Variants in KCNK15 observed in about 807,000 individuals in gnomAD.
The protein encoded by KCNK15 is potassium two pore domain channel subfamily K member 15.
A neutral mutation model predicts 8.5 loss-of-function variants in KCNK15; 9 were observed. The ratio of observed to expected loss-of-function variants is 1.06; its 90% CI spans 0.64 to 1.85. The LOEUF is 1.85. KCNK15 is among the 40% of genes most tolerant of loss of function. KCNK15 has a pLI of 0.00. For missense variants in KCNK15, 467 were observed against 476.8 expected, an observed-to-expected ratio of 0.98 and a Z score of 0.19; for synonymous variants, 224 against 232.7, an observed-to-expected ratio of 0.96 and a Z score of 0.34.
At position 44,746,013 on chromosome 20, in the gene KCNK15, A is replaced by G. The variant is rs548589122; in HGVS notation, c.103A>G (p.Ser35Gly). ...VFDALESEAE[S>G]GRQRLLVQKR... ...CGACGCGCTCGAGTCCGAGGCGGAAAGCGGCCGCCAGCGACTGCTGGTCCA... is the reference window on the plus strand; with the variant it reads ...CGACGCGCTCGAGTCCGAGGCGGAAGGCGGCCGCCAGCGACTGCTGGTCCA... Residue 35 changes from serine to glycine, a missense_variant, in exon 1 of 2, where the codon AGC becomes GGC. Ser to Gly is a moderately conservative substitution (Grantham distance 56, BLOSUM62 0). Coordinates refer to ENST00000372861, the MANE Select transcript of KCNK15 (RefSeq NM_022358.4). The G allele has an allele frequency of 6.5e-7, 1 of 1,527,942 alleles. No individual in the cohort carries two copies. Among genetic ancestry groups the G allele is most frequent in the Non-Finnish European group, 8.8e-7 (1 of 1,137,676 alleles). The allele number at this position is 1,527,942 out of a possible 1,614,324, so 94.6% of individuals were successfully genotyped here. A position where few individuals can be genotyped will look rare whatever the true frequency, so the allele number is the denominator to read the frequency against.
chr20:44,749,419 CAAAAG>C (rs2066019630), intron 1 of KCNK15, among the ~76,000 whole-genome samples: 1 of 152,140 alleles, frequency 6.6e-6, no homozygotes, highest in Non-Finnish European at 1.5e-5. Context: ...CAATCAGAAC[CAAAAG>C]GTGTTCAGTG....
Position 44,751,716 on chromosome 20 carries a change from G to A in KCNK15, c.*878G>A, listed in dbSNP as rs34206181. 0.044 allele frequency: 6,635 copies of A among 152,268 alleles called. 188 individuals are homozygous for A. The highest frequency in any genetic ancestry group is 0.055 in the Non-Finnish European group (3,769 of 68,030). 9.4% of individuals were successfully genotyped at this position (152,268 alleles called of 1,614,324 possible). On this transcript the variant is annotated 3_prime_UTR_variant, in exon 2 of 2. Coordinates refer to ENST00000372861, the MANE Select transcript of KCNK15 (RefSeq NM_022358.4). ...CCATAAGGGGGCAGAGACAAAGCCCGAGGTGTGGCATCCTGGCACCCCGTG... is the reference window on the plus strand; with the variant it reads ...CCATAAGGGGGCAGAGACAAAGCCCAAGGTGTGGCATCCTGGCACCCCGTG...
chr20:44,749,010 G>A (rs916166405), intron 1 of KCNK15, among the ~76,000 whole-genome samples: 5 of 152,266 alleles, frequency 3.3e-5, no homozygotes, highest in African/African-American at 1.2e-4. Flanking sequence ...AGGCCCCTTT[G>A]GATGGACACT....
In KCNK15 at chr20:44,750,283, C is replaced by T; in HGVS notation, c.438C>T (p.Cys146=). Residue 146 remains cysteine (C), a synonymous_variant, in exon 2 of 2, where the codon TGC becomes TGT. Coordinates refer to ENST00000372861, the MANE Select transcript of KCNK15 (RefSeq NM_022358.4). The part of the protein sequence containing the change: ...VRRLLLAAKC[C]LGLRWTCVST... The stretch of plus-strand genomic sequence containing the variant: ...GCCTCCTGTTGGCGGCCAAGTGCTG[C>T]CTGGGCCTGCGGTGGACGTGCGTGT... 2 of 1,605,600 alleles carry T rather than the reference C, an allele frequency of 1.2e-6. No homozygotes were observed. The highest frequency in any genetic ancestry group is 2.2e-5 in the South Asian group (2 of 90,288).
At chr20:44,747,294 T>C (rs2066011565) in intron 1 of KCNK15, 1 of 152,188 alleles carries the variant, frequency 6.6e-6, no homozygotes, top group South Asian at 2.1e-4. Flanking sequence ...AAAGGCAAAA[T>C]GCAATTGTTC....
rs372438657 is a variant in KCNK15 at position 44,750,690 on chromosome 20, G to A, written c.845G>A (p.Arg282His). The change falls in exon 2 of 2, where the codon CGC becomes CAC. Residue 282 changes from arginine to histidine, a missense_variant. Coordinates refer to ENST00000372861, the MANE Select transcript of KCNK15 (RefSeq NM_022358.4). ...RGLWLPRRPA[R>H]SVGSASVFCH... is the part of the protein sequence containing the mutation. Reference sequence around the variant, plus strand: ...CTCTGGCTGCCCCGCCGCCCGGCCCGCTCCGTGGGCTCCGCCTCTGTCTTC... The same window carrying A: ...CTCTGGCTGCCCCGCCGCCCGGCCCACTCCGTGGGCTCCGCCTCTGTCTTC... The A allele has an allele frequency of 2.0e-6, 3 of 1,492,238 alleles. No individual in the cohort carries two copies. The highest frequency in any genetic ancestry group is 1.8e-6 in the Non-Finnish European group (2 of 1,128,130). 92.4% of individuals were successfully genotyped at this position (1,492,238 alleles called of 1,614,324 possible).
chr20:44,746,342 C>T (rs2066007862), intron 1 of KCNK15, 149 bp downstream of exon 1: 1 of 629,930 alleles, frequency 1.6e-6, no homozygotes, highest in Admixed American at 4.3e-5. Context: ...TCTCCTTCGC[C>T]TCCCTCGTCT....
chr20:44,748,362 G>T (rs1345804582), intron 1 of KCNK15, among the ~76,000 whole-genome samples: 1 of 152,140 alleles, frequency 6.6e-6, no homozygotes, highest in East Asian at 1.9e-4. Context: ...AAAAGTAACA[G>T]AGAGGCAAAG....
intron 1 of KCNK15, chr20:44,747,254 G>A (rs1055174645): frequency 6.6e-6 from 1 of 152,294 alleles, no homozygotes; most frequent in Non-Finnish European, 1.5e-5. Context: ...TCTGGCAATT[G>A]ATTCCACCTG....
At chr20:44,749,229 C>G (rs4810439) in intron 1 of KCNK15, among the ~76,000 whole-genome samples, 87,490 of 151,998 alleles carry the variant, frequency 0.58, 26,077 homozygotes, top group African/African-American at 0.75. Flanking sequence ...CTCTTCCTGG[C>G]GTACAGGCTC....
Position 44,750,627 on chromosome 20 carries a change from C to CCA in KCNK15, c.783_784dup (p.Ser262ThrfsTer104). On this transcript the variant is annotated frameshift_variant, in exon 2 of 2. Transcript: ENST00000372861. LOFTEE classifies it low-confidence loss of function (END_TRUNC). ...TGGCCCGAGCGCGCTGCCCGCACCC[C>CCA]CAGCCCGCGCCCCCCGGGGGCGCCC... 1 of 1,586,962 alleles carries CCA rather than the reference C, an allele frequency of 6.3e-7. No individual in the cohort carries two copies. The highest frequency in any genetic ancestry group is 1.1e-5 in the South Asian group (1 of 89,826).
In KCNK15 at chr20:44,750,813, T is replaced by G. The variant is rs13042905; in HGVS notation, c.968T>G (p.Leu323Arg). ...GTGCGTGGCGGGCAGGCTCCCAGGC[T>G]TGGGGCCCGGTGGAAGTCCATCTGA... ...GVVRGGQAPRLGARWKSI is the reference protein window; with the variant it reads ...GVVRGGQAPRRGARWKSI The change falls in exon 2 of 2, where the codon CTT (leucine) becomes CGT (arginine). Residue 323 changes from leucine (L) to arginine (R), a missense_variant. Physicochemically the swap from Leu to Arg is moderately radical, Grantham distance 102 (BLOSUM62 -2). Coordinates refer to ENST00000372861, the MANE Select transcript of KCNK15 (RefSeq NM_022358.4). 2 of 1,477,504 alleles carry G rather than the reference T, an allele frequency of 1.4e-6. No individual in the cohort carries two copies. The highest frequency in any genetic ancestry group is 1.8e-6 in the Non-Finnish European group (2 of 1,118,154). The allele number at this position is 1,477,504 out of a possible 1,614,324, so 91.5% of individuals were successfully genotyped here.
rs2066006701 is a variant in KCNK15, at chr20:44,746,180, C to T, written c.270C>T (p.Val90=). The T allele has an allele frequency of 7.2e-7, 1 of 1,395,678 alleles. No homozygotes were observed. The highest frequency in any genetic ancestry group is 1.5e-5 in the African/African-American group (1 of 65,692). 86.5% of individuals were successfully genotyped at this position (1,395,678 alleles called of 1,614,324 possible). The change falls in exon 1 of 2, where the codon GTC becomes GTT. Residue 90 remains valine, a synonymous_variant. Transcript: ENST00000372861. ...FPGSFYFAIT[V]ITTIEYGHAA... ...GCTCCTTCTACTTCGCCATCACCGT[C>T]ATCACTACCATCGGTGAGCCGCCCG... is the stretch of plus-strand genomic sequence containing the variant.
intron 1 of KCNK15, among the ~76,000 whole-genome samples, chr20:44,748,036 G>A (rs1315422230): frequency 1.3e-5 from 2 of 152,200 alleles, no homozygotes; most frequent in Non-Finnish European, 2.9e-5. Flanking sequence ...TATAGTCATT[G>A]GGAGGGTTAA....
At chr20:44,749,039 C>T (rs533355097) in intron 1 of KCNK15, among the ~76,000 whole-genome samples, 2 of 152,264 alleles carry the variant, frequency 1.3e-5, no homozygotes, top group South Asian at 2.1e-4. Context: ...TTCTCATTTT[C>T]GCTATGACCG....
At position 44,750,527 on chromosome 20, in the gene KCNK15, A is replaced by AT; in HGVS notation, c.683dup (p.Leu229ProfsTer133). On this transcript the variant is annotated frameshift_variant, in exon 2 of 2. Coordinates refer to ENST00000372861, the MANE Select transcript of KCNK15 (RefSeq NM_022358.4). LOFTEE classifies it low-confidence loss of function (END_TRUNC). ...CTACGTGGCCTTCAGCTTCCTCTAC[A>AT]TCCTCCTGGGGCTCACGGTCATTGG... 6.2e-7 allele frequency: 1 copy of AT among 1,612,028 alleles called. No homozygotes were observed. The highest frequency in any genetic ancestry group is 8.5e-7 in the Non-Finnish European group (1 of 1,178,972).
At chr20:44,748,507 G>A (rs2066016342) in intron 1 of KCNK15, among the ~76,000 whole-genome samples, 1 of 152,126 alleles carries the variant, frequency 6.6e-6, no homozygotes, top group Non-Finnish European at 1.5e-5. Flanking sequence ...GAATGAAAAG[G>A]AATTCTCCCT....
intron 1 of KCNK15, among the ~76,000 whole-genome samples, chr20:44,749,129 G>A (rs928984305): frequency 1.1e-4 from 16 of 152,170 alleles, no homozygotes; most frequent in African/African-American, 3.6e-4. Flanking sequence ...CCTAACTGTG[G>A]AACTACCTTG....
At chr20:44,747,770 G>C (rs2066013532) in intron 1 of KCNK15, among the ~76,000 whole-genome samples, 1 of 152,258 alleles carries the variant, frequency 6.6e-6, no homozygotes, top group South Asian at 2.1e-4. Flanking sequence ...CCAGGAATTT[G>C]GGCTTTGCTT....
Sources: allele counts gnomAD v4.1 joint callset (sites outside exome capture counted in the v4.1 genomes callset), GRCh38; gene constraint gnomAD v4.1.1; transcripts MANE v1.5; gene names NCBI Gene and HGNC (gene_info 2026-07-23, HGNC 2026-07-21).